PTPRG: variants seen among roughly 807,000 people sequenced by gnomAD.
The protein encoded by PTPRG is protein tyrosine phosphatase receptor type G, also known as receptor-type tyrosine-protein phosphatase gamma.
A neutral mutation model predicts 165.3 loss-of-function variants in PTPRG; 102 were observed. That is an observed-to-expected ratio of 0.62 (90% CI 0.53 to 0.73). PTPRG has a LOEUF of 0.73. Ranked by LOEUF, PTPRG falls within the 30% of genes least tolerant of loss-of-function variation. PTPRG has a pLI of 0.00. For synonymous variants in PTPRG, 675 were observed against 669.5 expected (o/e 1.01, Z -0.13); for missense variants, 1,866 against 1,861.4 (o/e 1.00, Z -0.05).
At chr3:61,592,428 T>A (rs1453540315) in intron 1 of PTPRG, among the ~76,000 whole-genome samples, 1 of 152,118 alleles carries the variant, frequency 6.6e-6, no homozygotes, top group African/African-American at 2.4e-5. Flanking sequence ...CCAAACTGCT[T>A]GGAGTTTCTC....
chr3:61,660,140 G>T (rs1320060946), intron 1 of PTPRG, among the ~76,000 whole-genome samples: 2 of 152,148 alleles, frequency 1.3e-5, no homozygotes, highest in Non-Finnish European at 2.9e-5. Context: ...CAGGAGAATC[G>T]CTTGAACCTG....
intron 2 of PTPRG, among the ~76,000 whole-genome samples, chr3:61,861,488 G>A (rs2037270047): frequency 6.6e-6 from 1 of 152,190 alleles, no homozygotes; most frequent in Non-Finnish European, 1.5e-5. Flanking sequence ...CCTGTCCTTT[G>A]TCTTCAAAGC....
intron 8 of PTPRG, among the ~76,000 whole-genome samples, chr3:62,171,493 G>A (rs903241849): frequency 5.3e-5 from 8 of 151,970 alleles, no homozygotes; most frequent in Admixed American, 2.6e-4. Flanking sequence ...TTATACTTGC[G>A]CAGCCATCAC....
At chr3:61,875,513 C>A (rs1485802308) in intron 2 of PTPRG, among the ~76,000 whole-genome samples, 1 of 152,066 alleles carries the variant, frequency 6.6e-6, no homozygotes, top group Non-Finnish European at 1.5e-5. Context: ...TGAAGAGTAC[C>A]TAGCGGCTTG....
chr3:62,047,627 T>G (rs1181611294), intron 4 of PTPRG, among the ~76,000 whole-genome samples: 4 of 152,260 alleles, frequency 2.6e-5, no homozygotes, highest in Non-Finnish European at 1.5e-5. Flanking sequence ...TTGCATGAAG[T>G]TCAAGTTTTA....
chr3:61,780,550 T>C (rs1337754938), intron 2 of PTPRG, among the ~76,000 whole-genome samples: 3 of 152,206 alleles, frequency 2.0e-5, no homozygotes, highest in African/African-American at 7.2e-5. Flanking sequence ...ATTAATATCT[T>C]CCTTAAATCA....
rs34153657 is a variant in PTPRG, at chr3:61,680,501, G to GAAA, written c.86-68362_86-68360dup. Among the ~76,000 whole-genome samples the GAAA allele has an allele frequency of 2.2e-3, 185 of 85,158 alleles. 4 individuals carry two copies. Among genetic ancestry groups the GAAA allele is most frequent in the Non-Finnish European group, 3.4e-3 (140 of 41,632 alleles). The allele number at this position is 85,158 out of a possible 152,430, so 55.9% of individuals were successfully genotyped here. On this transcript the variant is annotated intron_variant, in intron 1 of 29. Coordinates refer to ENST00000474889, the MANE Select transcript of PTPRG (RefSeq NM_002841.4). ...CATGTTGGCAATTATTCAGCTTTAT[G>GAAA]AAAAAAAAAAAAAAAAACACAAAAA...
intron 5 of PTPRG, among the ~76,000 whole-genome samples, chr3:62,106,430 C>T (rs1702473534): frequency 6.6e-6 from 1 of 151,770 alleles, no homozygotes; most frequent in African/African-American, 2.4e-5. Context: ...GTTGTCTGTC[C>T]TGGGGCATTA....
intron 2 of PTPRG, among the ~76,000 whole-genome samples, chr3:61,840,060 T>A (rs769920458): frequency 6.6e-6 from 1 of 152,226 alleles, no homozygotes; most frequent in Non-Finnish European, 1.5e-5. Flanking sequence ...TATACACTTA[T>A]AGTTTATATG....
chr3:61,679,059 T>G (rs1703336595), intron 1 of PTPRG, among the ~76,000 whole-genome samples: 1 of 152,182 alleles, frequency 6.6e-6, no homozygotes, highest in South Asian at 2.1e-4. Context: ...GGCACTGGTC[T>G]CACGTGATTG....
chr3:62,004,341 C>T (rs1172931529), intron 4 of PTPRG, among the ~76,000 whole-genome samples: 1 of 152,160 alleles, frequency 6.6e-6, no homozygotes, highest in Non-Finnish European at 1.5e-5. Flanking sequence ...TAGACAGTTG[C>T]TTTGGATAAA....
At chr3:61,913,116 G>A (rs890521027) in intron 2 of PTPRG, among the ~76,000 whole-genome samples, 2 of 152,226 alleles carry the variant, frequency 1.3e-5, no homozygotes, top group Non-Finnish European at 2.9e-5. Context: ...TTATATGGAT[G>A]TATTGCATAA....
chr3:62,121,879 T>C lies in PTPRG; in HGVS notation c.616-10723T>C, dbSNP rs1576028679. Among the ~76,000 whole-genome samples, 4 of 152,224 alleles carry C rather than the reference T, an allele frequency of 2.6e-5. No individual in the cohort carries two copies. The East Asian group carries it at 7.7e-4, about 29-fold the overall frequency. On this transcript the variant is annotated intron_variant, in intron 5 of 29. Coordinates refer to ENST00000474889, the MANE Select transcript of PTPRG (RefSeq NM_002841.4). The stretch of plus-strand genomic sequence containing the variant: ...GAACAAACTTTCTGGTTTTCCATTT[T>C]GTTCTGCTACAAATGGCACGTTCTA...
intron 2 of PTPRG, among the ~76,000 whole-genome samples, chr3:61,877,642 A>G (rs147805448): frequency 6.6e-6 from 1 of 152,268 alleles, no homozygotes; most frequent in Admixed American, 6.5e-5. Flanking sequence ...CATCGGAAAC[A>G]TGCTCATGGG....
intron 4 of PTPRG, among the ~76,000 whole-genome samples, chr3:62,050,806 C>T (rs1559767751): frequency 6.6e-6 from 1 of 152,228 alleles, no homozygotes; most frequent in South Asian, 2.1e-4. Context: ...ACCTTCATTC[C>T]CAAGCAAGCT....
At position 62,267,386 on chromosome 3, in the gene PTPRG, G is replaced by GT. The variant is rs201718361; in HGVS notation, c.2657-15dup. 6.2e-3 allele frequency: 8,769 copies of GT among 1,409,334 alleles called. 4 individuals are homozygous for GT. The highest frequency in any genetic ancestry group is 7.8e-3 in the East Asian group (322 of 41,042). The allele number at this position is 1,409,334 out of a possible 1,614,324, so 87.3% of individuals were successfully genotyped here. A position where few individuals can be genotyped will look rare whatever the true frequency, so the allele number is the denominator to read the frequency against. On this transcript the variant is annotated intron_variant, in intron 17 of 29. Coordinates refer to ENST00000474889, the MANE Select transcript of PTPRG (RefSeq NM_002841.4). The stretch of plus-strand genomic sequence containing the variant: ...TTTCTGAATTATCCATTTTATTTCT[G>GT]TTTTTTTTTCTTATCTTCTATAGAT...
Position 62,271,381 on chromosome 3 carries a change from A to G in PTPRG, c.3010-2A>G. The stretch of plus-strand genomic sequence containing the variant: ...AGACATCTTTTTTCACTTTTCTCAC[A>G]GGGTCAGAAGGGAAATCCCAAGGGT... On this transcript the variant is annotated splice_acceptor_variant, in intron 20 of 29. Coordinates refer to ENST00000474889, the MANE Select transcript of PTPRG (RefSeq NM_002841.4). LOFTEE classifies it high-confidence loss of function. This position sits in a 1 kb window ranked among gnomAD's most constrained non-coding sequence, Gnocchi z 4.1. The G allele has an allele frequency of 6.3e-7, 1 of 1,585,232 alleles. No homozygotes were observed. The highest frequency in any genetic ancestry group is 8.6e-7 in the Non-Finnish European group (1 of 1,168,460).
intron 2 of PTPRG, among the ~76,000 whole-genome samples, chr3:61,871,075 G>C (rs2037557191): frequency 6.6e-6 from 1 of 150,742 alleles, no homozygotes; most frequent in Non-Finnish European, 1.5e-5. Flanking sequence ...TGTCTTGAAG[G>C]TCCCATTCAG....
intron 1 of PTPRG, among the ~76,000 whole-genome samples, chr3:61,628,931 T>G (rs899011550): frequency 6.6e-6 from 1 of 152,214 alleles, no homozygotes; most frequent in Admixed American, 6.5e-5. Context: ...TGTTTAAAGC[T>G]GTGCTTGTAA....
Sources: allele counts gnomAD v4.1 joint callset (sites outside exome capture counted in the v4.1 genomes callset), GRCh38; gene constraint gnomAD v4.1.1; non-coding constraint Gnocchi (gnomAD v3.1); transcripts MANE v1.5; gene names NCBI Gene and HGNC (gene_info 2026-07-23, HGNC 2026-07-21).